The following GNL1 variants were observed in gnomAD, a reference collection of about 807,000 sequenced individuals.
GNL1 encodes guanine nucleotide-binding protein-like 1.
Under a neutral mutation model 75.2 loss-of-function variants are expected in GNL1, and 21 were observed. The observed-to-expected ratio is 0.28, with a 90% CI of 0.20 to 0.40. The LOEUF is 0.40. Ranked by LOEUF, GNL1 falls within the 10% of genes least tolerant of loss-of-function variation. GNL1 has a pLI of 1.00. For synonymous variants in GNL1, 287 were observed against 303.4 expected (o/e 0.95, Z 0.56); for missense variants, 579 against 775.0 (o/e 0.75, Z 3.00).
chr6:30,550,102 A>T (rs1342216794), intron 8 of GNL1, among the ~76,000 whole-genome samples: 1 of 152,168 alleles, frequency 6.6e-6, no homozygotes, highest in African/African-American at 2.4e-5. Context: ...CTGGGATTAT[A>T]GGCATGAGCC....
Position 30,553,095 on chromosome 6 carries a change from G to A in GNL1, c.893C>T (p.Thr298Ile), listed in dbSNP as rs1156393097. ...EQLLRACEAI[T>I]VGKVDLSSWR... ...TAAGGGCCACATACCTTTCCCCACA[G>A]TGATGGCTTCACAGGCTCTCAGCAA... Residue 298 changes from threonine to isoleucine, a missense_variant, in exon 7 of 12, where the codon ACT (threonine) becomes ATT (isoleucine). Thr to Ile is a moderately conservative substitution (Grantham distance 89). Coordinates refer to ENST00000376621, the MANE Select transcript of GNL1 (RefSeq NM_005275.5). The A allele has an allele frequency of 6.2e-7, 1 of 1,611,008 alleles. No individual in the cohort carries two copies. The highest frequency in any genetic ancestry group is 1.1e-5 in the South Asian group (1 of 91,006).
rs781587947 is a variant in GNL1 at position 30,546,693 on chromosome 6, G to C, written c.1582+3C>G. The C allele has an allele frequency of 6.2e-7, 1 of 1,602,532 alleles. No homozygotes were observed. Among genetic ancestry groups the C allele is most frequent in the Non-Finnish European group, 8.5e-7 (1 of 1,173,476 alleles). ...GGCTGGGGAAGAATATCTGGGCTCT[G>C]ACCTTTCTGTTCACTGTAGCCTGGG... On this transcript the variant is annotated splice_donor_region_variant and intron_variant, in intron 11 of 11. Coordinates refer to ENST00000376621, the MANE Select transcript of GNL1 (RefSeq NM_005275.5). This position sits in a 1 kb window ranked among gnomAD's most constrained non-coding sequence, Gnocchi z 5.1.
At chr6:30,550,348 C>G (rs890898610) in intron 8 of GNL1, among the ~76,000 whole-genome samples, 1 of 152,172 alleles carries the variant, frequency 6.6e-6, no homozygotes, top group East Asian at 1.9e-4. Context: ...CCCCAGTCTT[C>G]CCATCTCAGT....
Position 30,552,141 on chromosome 6 carries a change from T to C in GNL1, c.1099+326A>G, listed in dbSNP as rs941889517. ...AGCCTCCCAAAGCGCTGGGACTATA[T>C]AGGCATGAGCCCTCACACATGGCCG... On this transcript the variant is annotated intron_variant, in intron 8 of 11. Transcript: ENST00000376621. The surrounding 1 kb of genome is among the most constrained non-coding windows in gnomAD (Gnocchi z 4.5). 3 of 334,514 alleles carry C rather than the reference T, an allele frequency of 9.0e-6. No homozygotes were observed. Among genetic ancestry groups the C allele is most frequent in the Non-Finnish European group, 1.1e-5 (2 of 182,614 alleles). The allele number at this position is 334,514 out of a possible 1,614,324, so 20.7% of individuals were successfully genotyped here. A position where few individuals can be genotyped will look rare whatever the true frequency, so the allele number is the denominator to read the frequency against.
In GNL1 at chr6:30,555,243, C is replaced by G; in HGVS notation, c.240-52G>C. ...AGAGCAATCCTGTGGCCACAAACTCCTATTTTCTCCCCTCTTGTACAATCA... is the reference window on the plus strand; with the variant it reads ...AGAGCAATCCTGTGGCCACAAACTCGTATTTTCTCCCCTCTTGTACAATCA... On this transcript the variant is annotated intron_variant, in intron 2 of 11. Coordinates refer to ENST00000376621, the MANE Select transcript of GNL1 (RefSeq NM_005275.5). The surrounding 1 kb of genome is among the most constrained non-coding windows in gnomAD (Gnocchi z 4.3). 6.2e-7 allele frequency: 1 copy of G among 1,607,216 alleles called. No individual in the cohort carries two copies. Among genetic ancestry groups the G allele is most frequent in the Non-Finnish European group, 8.5e-7 (1 of 1,175,158 alleles).
Position 30,552,353 on chromosome 6 carries a change from T to C in GNL1, c.1099+114A>G, listed in dbSNP as rs1799835477. 4.8e-6 allele frequency: 4 copies of C among 825,354 alleles called. No individual in the cohort carries two copies. The highest frequency in any genetic ancestry group is 7.7e-6 in the Non-Finnish European group (4 of 517,752). 51.1% of individuals were successfully genotyped at this position (825,354 alleles called of 1,614,324 possible). A position where few individuals can be genotyped will look rare whatever the true frequency, so the allele number is the denominator to read the frequency against. On this transcript the variant is annotated intron_variant, in intron 8 of 11. Coordinates refer to ENST00000376621, the MANE Select transcript of GNL1 (RefSeq NM_005275.5). This position sits in a 1 kb window ranked among gnomAD's most constrained non-coding sequence, Gnocchi z 4.5. ...CCTTGCCCACCGCCACTGGCAGAGA[T>C]CACCCCTCAGACACCCTGGGGCCTA...
Position 30,541,645 on chromosome 6 carries a change from A to C in GNL1, c.*4427T>G, listed in dbSNP as rs1008729220. ...TACGACACCGGCAGATGGCGCTGCA[A>C]AGCTTCTCAAATGCAGCGGGAAGTC... On this transcript the variant is annotated 3_prime_UTR_variant, in exon 12 of 12. Transcript: ENST00000376621. 6.6e-6 allele frequency: 1 copy of C among 152,314 alleles called. No homozygotes were observed. The highest frequency in any genetic ancestry group is 2.4e-5 in the African/African-American group (1 of 41,462). 9.4% of individuals were successfully genotyped at this position (152,314 alleles called of 1,614,324 possible).
chr6:30,554,733 C>T (rs1800022966), intron 4 of GNL1, 31 bp downstream of exon 4: 1 of 1,609,826 alleles, frequency 6.2e-7, no homozygotes, highest in African/African-American at 1.3e-5. Context: ...GGTCACTATG[C>T]CCCACTCCTG....
Position 30,552,224 on chromosome 6 carries a change from G to C in GNL1, c.1099+243C>G. ...TTATTTTTAAAATCAAAGTAACTAA[G>C]ACTCAGAGTAGCAAAATCACTTACT... On this transcript the variant is annotated intron_variant, in intron 8 of 11. Transcript: ENST00000376621. This position sits in a 1 kb window ranked among gnomAD's most constrained non-coding sequence, Gnocchi z 4.5. The C allele has an allele frequency of 2.1e-6, 1 of 477,002 alleles. No homozygotes were observed. Among genetic ancestry groups the C allele is most frequent in the East Asian group, 3.1e-5 (1 of 32,604 alleles). 29.5% of individuals were successfully genotyped at this position (477,002 alleles called of 1,614,324 possible). A position where few individuals can be genotyped will look rare whatever the true frequency, so the allele number is the denominator to read the frequency against.
chr6:30,555,693 GA>G lies in GNL1; in HGVS notation c.100del (p.Ser34ProfsTer23). Reference protein sequence around the residue: ...RGLQDGLRSSSNSRSGSRERR... With the variant: ...RGLQDGLRSSXNSRSGSRERR... ...CTCCCGGCTCCCGCTGCGGCTGTTG[GA>G]ACTGGAGCGCAGCCCATCTTGAAGC... On this transcript the variant is annotated frameshift_variant, in exon 2 of 12. Coordinates refer to ENST00000376621, the MANE Select transcript of GNL1 (RefSeq NM_005275.5). LOFTEE classifies it high-confidence loss of function. The surrounding 1 kb of genome is among the most constrained non-coding windows in gnomAD (Gnocchi z 4.3). The G allele has an allele frequency of 6.2e-7, 1 of 1,613,540 alleles. No individual in the cohort carries two copies. Among genetic ancestry groups the G allele is most frequent in the Non-Finnish European group, 8.5e-7 (1 of 1,179,954 alleles).
Position 30,546,696 on chromosome 6 carries a change from C to T in GNL1, c.1582G>A (p.Gly528Ser), listed in dbSNP as rs1183194468. The part of the protein sequence containing the change: ...FHPPGYSEQK[G>S]TWESHPETTE... ...TGGGGAAGAATATCTGGGCTCTGAC[C>T]TTTCTGTTCACTGTAGCCTGGGGGA... is the stretch of plus-strand genomic sequence containing the variant. Residue 528 changes from glycine (G) to serine (S), a missense_variant and splice_region_variant, in exon 11 of 12, where the codon GGC (glycine) becomes AGC (serine). Physicochemically the swap from Gly to Ser is moderately conservative, Grantham distance 56. Coordinates refer to ENST00000376621, the MANE Select transcript of GNL1 (RefSeq NM_005275.5). The surrounding 1 kb of genome is among the most constrained non-coding windows in gnomAD (Gnocchi z 5.1). The T allele has an allele frequency of 1.2e-6, 2 of 1,603,002 alleles. No homozygotes were observed. The highest frequency in any genetic ancestry group is 1.7e-6 in the Non-Finnish European group (2 of 1,173,932).
In GNL1 at chr6:30,544,431, C is replaced by T. The variant is rs1053901661; in HGVS notation, c.*1641G>A. On this transcript the variant is annotated 3_prime_UTR_variant, in exon 12 of 12. Coordinates refer to ENST00000376621, the MANE Select transcript of GNL1 (RefSeq NM_005275.5). ...AATGTCCTCACCCCACCTCCTGCAG[C>T]GGAGAAGTCCCCTGAGCATCTCTGA... 1.4e-4 allele frequency: 21 copies of T among 152,344 alleles called. No homozygotes were observed. The highest frequency in any genetic ancestry group is 3.4e-4 in the African/African-American group (14 of 41,564). 9.4% of individuals were successfully genotyped at this position (152,344 alleles called of 1,614,324 possible).
intron 8 of GNL1, among the ~76,000 whole-genome samples, chr6:30,551,201 T>C (rs1451177693): frequency 6.6e-6 from 1 of 152,028 alleles, no homozygotes; most frequent in African/African-American, 2.4e-5. Context: ...GCAAACACTC[T>C]CCCTCTCACA....
rs1799541335 is a variant in GNL1, at chr6:30,547,802, T to C, written c.1100-272A>G. 2 of 514,670 alleles carry C rather than the reference T, an allele frequency of 3.9e-6. No homozygotes were observed. The highest frequency in any genetic ancestry group is 2.0e-5 in the African/African-American group (1 of 49,978). 31.9% of individuals were successfully genotyped at this position (514,670 alleles called of 1,614,324 possible). A position where few individuals can be genotyped will look rare whatever the true frequency, so the allele number is the denominator to read the frequency against. ...TCAGGGTGGTCAGGATTAAATGAGA[T>C]AACCAATACAACTTGTGTGGGTCAG... On this transcript the variant is annotated intron_variant, in intron 8 of 11. Transcript: ENST00000376621. The surrounding 1 kb of genome is among the most constrained non-coding windows in gnomAD (Gnocchi z 5.5).
intron 7 of GNL1, 40 bp downstream of exon 7, chr6:30,553,044 C>T (rs1799892519): frequency 7.5e-7 from 1 of 1,337,860 alleles, no homozygotes; most frequent in African/African-American, 1.4e-5. Flanking sequence ...CTTTGGTCTC[C>T]CCCATGTCCT....
chr6:30,548,645 A>G lies in GNL1; in HGVS notation c.1100-1115T>C, dbSNP rs1799583418. On this transcript the variant is annotated intron_variant, in intron 8 of 11. Transcript: ENST00000376621. This position sits in a 1 kb window ranked among gnomAD's most constrained non-coding sequence, Gnocchi z 4.2. ...ATCTTACTCACCTGGCAAAATCCCA[A>G]CCCTGTAAAATCCAGCTCTGCCCAT... is the stretch of plus-strand genomic sequence containing the variant. Among the ~76,000 whole-genome samples the G allele has an allele frequency of 6.6e-6, 1 of 152,052 alleles. No homozygotes were observed. The highest frequency in any genetic ancestry group is 1.5e-5 in the Non-Finnish European group (1 of 68,016).
rs1799431984 is a variant in GNL1 at position 30,546,115 on chromosome 6, G to A, written c.1781C>T (p.Ala594Val). The A allele has an allele frequency of 6.3e-7, 1 of 1,579,740 alleles. No individual in the cohort carries two copies. Among genetic ancestry groups the A allele is most frequent in the Admixed American group, 1.8e-5 (1 of 54,142 alleles). The change falls in exon 12 of 12, where the codon GCT (alanine) becomes GTT (valine). Residue 594 changes from alanine to valine, a missense_variant. By Grantham distance (64) the Ala-to-Val change is moderately conservative. Coordinates refer to ENST00000376621, the MANE Select transcript of GNL1 (RefSeq NM_005275.5). The surrounding 1 kb of genome is among the most constrained non-coding windows in gnomAD (Gnocchi z 5.1). ...TPTSAPGSSLAGRNPYALLGE... is the reference protein window; with the variant it reads ...TPTSAPGSSLVGRNPYALLGE... ...CAGCAGGGCATAAGGGTTTCGGCCA[G>A]CCAGGCTGGACCCTGGAGCCGAGGT...
intron 7 of GNL1, 33 bp downstream of exon 7, chr6:30,553,051 T>C (rs765893337): frequency 1.4e-6 from 2 of 1,407,450 alleles, no homozygotes; most frequent in African/African-American, 2.8e-5. Flanking sequence ...CTCCCCCATG[T>C]CCTCCTACAG....
At chr6:30,553,666 C>T (rs1253600245) in intron 5 of GNL1, 109 bp from the exon 6 acceptor site, 3 of 738,960 alleles carry the variant, frequency 4.1e-6, no homozygotes, top group Non-Finnish European at 7.2e-6. Flanking sequence ...CTGGTGGTAG[C>T]AGACTCTGGG....
Sources: allele counts gnomAD v4.1 joint callset (sites outside exome capture counted in the v4.1 genomes callset), GRCh38; gene constraint gnomAD v4.1.1; non-coding constraint Gnocchi (gnomAD v3.1); transcripts MANE v1.5; gene names NCBI Gene and HGNC (gene_info 2026-07-23, HGNC 2026-07-21).